The following NAA60 variants were observed in gnomAD, a reference collection of about 807,000 sequenced individuals.
The protein encoded by NAA60 is N-alpha-acetyltransferase 60, NatF catalytic subunit, also known as N-alpha-acetyltransferase 60.
Under a neutral mutation model 26.1 loss-of-function variants are expected in NAA60, and 8 were observed. That is an observed-to-expected ratio of 0.31 (90% confidence interval 0.18 to 0.55). The LOEUF (loss-of-function observed/expected upper bound fraction) is 0.55, where lower values mean the gene tolerates loss of function less well. Among genes scored for constraint, NAA60 ranks in the 20% least tolerant of loss-of-function variants. The pLI is 0.93. For missense variants in NAA60, 290 were observed against 311.3 expected (o/e 0.93, Z 0.51); for synonymous variants, 131 against 122.5 (o/e 1.07, Z -0.46).
At chr16:3,443,962 T>C (rs1261363918) in intron 1 of NAA60, 125 bp downstream of exon 1, 10 of 1,388,290 alleles carry the variant, frequency 7.2e-6, no homozygotes, top group East Asian at 2.7e-5. Context: ...GAGCGGATGG[T>C]GGGGCCGTGG....
chr16:3,481,514 G>A (rs1235225721), intron 4 of NAA60, among the ~76,000 whole-genome samples: 1 of 152,136 alleles, frequency 6.6e-6, no homozygotes, highest in African/African-American at 2.4e-5. Context: ...CCAGGTGGCG[G>A]CTGGGTCTCT....
At chr16:3,453,639 C>T (rs1485995838) in intron 2 of NAA60, among the ~76,000 whole-genome samples, 1 of 152,042 alleles carries the variant, frequency 6.6e-6, no homozygotes, top group Non-Finnish European at 1.5e-5. Context: ...AACTCCCAAC[C>T]TCAGGTGATC....
rs149064519 is a variant in NAA60 at position 3,473,864 on chromosome 16, A to T, written c.-6-2358A>T. The stretch of plus-strand genomic sequence containing the variant: ...ATTCTTCCACCTCAGCCTCCTGAGT[A>T]GCCGGGATTATAGGCACCTGCCATC... On this transcript the variant is annotated intron_variant, in intron 2 of 7. Coordinates refer to ENST00000407558, the MANE Select transcript of NAA60 (RefSeq NM_001083601.3). Among the ~76,000 whole-genome samples, 822 of 152,058 alleles carry T rather than the reference A, an allele frequency of 5.4e-3. 13 individuals are homozygous for T. Among genetic ancestry groups the T allele is most frequent in the African/African-American group, 0.019 (789 of 41,438 alleles).
chr16:3,474,879 G>T (rs1258911172), intron 2 of NAA60, among the ~76,000 whole-genome samples: 1 of 152,214 alleles, frequency 6.6e-6, no homozygotes, highest in Non-Finnish European at 1.5e-5. Context: ...ACGCTGAGAT[G>T]AACTACGCAG....
intron 2 of NAA60, among the ~76,000 whole-genome samples, chr16:3,467,229 C>T (rs541741439): frequency 2.6e-5 from 4 of 151,916 alleles, no homozygotes; most frequent in African/African-American, 7.2e-5. Context: ...AAGCGTGTGG[C>T]GGGAGATCCG....
At chr16:3,479,265 AT>A (rs1354646484) in intron 3 of NAA60, among the ~76,000 whole-genome samples, 1 of 152,148 alleles carries the variant, frequency 6.6e-6, no homozygotes, top group Non-Finnish European at 1.5e-5. Context: ...CCCATCAGAG[AT>A]CCCCAGTCCT....
At chr16:3,482,824 G>A in intron 5 of NAA60, 1 of 586,132 alleles carries the variant, frequency 1.7e-6, no homozygotes, top group Non-Finnish European at 3.1e-6. Context: ...CATGCCCCCA[G>A]GCCTTTCTGC....
chr16:3,457,496 G>A (rs2035055469), intron 2 of NAA60, among the ~76,000 whole-genome samples: 1 of 152,280 alleles, frequency 6.6e-6, no homozygotes, highest in African/African-American at 2.4e-5. Context: ...TACAACCGGA[G>A]GGCAGCTTAA....
chr16:3,469,282 A>C (rs2035969528), intron 2 of NAA60, among the ~76,000 whole-genome samples: 1 of 133,270 alleles, frequency 7.5e-6, no homozygotes, highest in East Asian at 2.7e-4. Context: ...AGCAGAGAGC[A>C]CCTGCCTGGC....
At chr16:3,468,555 T>C (rs1419742665) in intron 2 of NAA60, among the ~76,000 whole-genome samples, 1 of 152,184 alleles carries the variant, frequency 6.6e-6, no homozygotes, top group Non-Finnish European at 1.5e-5. Context: ...AAAAGAAATA[T>C]GAGGTCTACA....
Position 3,443,763 on chromosome 16 carries a change from C to A in NAA60, c.-151C>A, listed in dbSNP as rs746740375. The A allele has an allele frequency of 1.1e-5, 17 of 1,532,924 alleles. No individual in the cohort carries two copies. In the South Asian group the frequency reaches 1.9e-4, roughly 17 times the overall value. The allele number at this position is 1,532,924 out of a possible 1,614,324, so 95.0% of individuals were successfully genotyped here. A position where few individuals can be genotyped will look rare whatever the true frequency, so the allele number is the denominator to read the frequency against. ...GAGTCTTAGGGTGACCCCAGGGGGA[C>A]GTAATGTTTCCGAGAAGAAGGACAG... On this transcript the variant is annotated 5_prime_UTR_variant, in exon 1 of 8. Transcript: ENST00000407558.
chr16:3,483,810 C>T (rs2036997359), intron 6 of NAA60: 2 of 564,460 alleles, frequency 3.5e-6, no homozygotes, highest in Non-Finnish European at 6.2e-6. Flanking sequence ...CCAGGCTGGT[C>T]TCGAACTCCT....
At chr16:3,458,399 C>G (rs1472688760) in intron 2 of NAA60, among the ~76,000 whole-genome samples, 1 of 151,990 alleles carries the variant, frequency 6.6e-6, no homozygotes, top group African/African-American at 2.4e-5. Flanking sequence ...TGGCCAGGGA[C>G]GAGGGTTGAG....
At chr16:3,458,456 G>A (rs2035142614) in intron 2 of NAA60, among the ~76,000 whole-genome samples, 1 of 152,142 alleles carries the variant, frequency 6.6e-6, no homozygotes, top group African/African-American at 2.4e-5. Context: ...TTCTGCCTGG[G>A]GGTTGCGTCA....
intron 1 of NAA60, among the ~76,000 whole-genome samples, chr16:3,445,223 A>C (rs993156051): frequency 6.6e-6 from 1 of 150,956 alleles, no homozygotes; most frequent in Non-Finnish European, 1.5e-5. Context: ...TTCATGGTTG[A>C]GTCACTGTGG....
In NAA60 at chr16:3,485,032, G is replaced by C. The variant is rs1187433338; in HGVS notation, c.*177G>C. On this transcript the variant is annotated 3_prime_UTR_variant, in exon 7 of 8. Transcript: ENST00000407558. The stretch of plus-strand genomic sequence containing the variant: ...CGGGCTCGGGAACAGAACATCGTGG[G>C]CATGCGCAGAGCATGCCCATCCGTG... 5.9e-6 allele frequency: 9 copies of C among 1,516,434 alleles called. No individual in the cohort carries two copies. The highest frequency in any genetic ancestry group is 2.0e-5 in the Admixed American group (1 of 50,106). 93.9% of individuals were successfully genotyped at this position (1,516,434 alleles called of 1,614,324 possible).
intron 1 of NAA60, among the ~76,000 whole-genome samples, chr16:3,446,932 C>T (rs1177123004): frequency 6.6e-6 from 1 of 151,740 alleles, no homozygotes; most frequent in East Asian, 1.9e-4. Context: ...ACCTCCATCT[C>T]CCAGGTTCAA....
At chr16:3,476,816 C>T (rs1191024115) in intron 3 of NAA60, among the ~76,000 whole-genome samples, 1 of 151,902 alleles carries the variant, frequency 6.6e-6, no homozygotes, top group Non-Finnish European at 1.5e-5. Flanking sequence ...CCAAGGAGGG[C>T]AGATCACCTG....
chr16:3,482,468 G>A (rs1424020894), intron 4 of NAA60, 34 bp from the exon 5 acceptor site: 1 of 1,537,542 alleles, frequency 6.5e-7, no homozygotes, highest in African/African-American at 1.4e-5. Flanking sequence ...CACCAGACGT[G>A]TGAGCCTGAC....
Sources: allele counts gnomAD v4.1 joint callset (sites outside exome capture counted in the v4.1 genomes callset), GRCh38; gene constraint gnomAD v4.1.1; transcripts MANE v1.5; gene names NCBI Gene and HGNC (gene_info 2026-07-23, HGNC 2026-07-21).